Variants in KCNAB1 observed in about 807,000 individuals in gnomAD.
KCNAB1 encodes the protein voltage-gated potassium channel subunit beta-1.
Under a neutral mutation model 64.6 loss-of-function variants are expected in KCNAB1, and 35 were observed. The ratio of observed to expected loss-of-function variants is 0.54; its 90% CI spans 0.41 to 0.72. The LOEUF (loss-of-function observed/expected upper bound fraction) is 0.72, where lower values mean the gene tolerates loss of function less well. Ranked by LOEUF, KCNAB1 falls within the 30% of genes least tolerant of loss-of-function variation. KCNAB1 has a pLI of 0.00. For missense variants in KCNAB1, 401 were observed against 512.9 expected (o/e 0.78, Z 2.11); for synonymous variants, 177 against 183.8 (o/e 0.96, Z 0.30).
intron 1 of KCNAB1, among the ~76,000 whole-genome samples, chr3:156,177,651 ACATGCGTGAG>A (rs1413885402): frequency 6.6e-6 from 1 of 151,934 alleles, no homozygotes; most frequent in Non-Finnish European, 1.5e-5. Flanking sequence ...TGCTGGGATT[ACATGCGTGAG>A]CCACTGCGCC....
chr3:156,292,014 C>T (rs1224009540), intron 1 of KCNAB1: 2 of 1,614,154 alleles, frequency 1.2e-6, no homozygotes, highest in East Asian at 2.2e-5. Flanking sequence ...GTGAACGCAG[C>T]CCGGGCCAAA....
At chr3:156,245,523 C>A (rs1717402775) in intron 1 of KCNAB1, among the ~76,000 whole-genome samples, 1 of 149,658 alleles carries the variant, frequency 6.7e-6, no homozygotes, top group Admixed American at 6.6e-5. Context: ...TGTATGTGTG[C>A]TCATGTGTGT....
At chr3:156,443,099 T>C (rs117078569) in intron 2 of KCNAB1, among the ~76,000 whole-genome samples, 2,679 of 152,282 alleles carry the variant, frequency 0.018, 67 homozygotes, top group East Asian at 0.1. Context: ...GTTTGTTACA[T>C]AGGTAAACGT....
chr3:156,510,628 T>G (rs192059138), intron 8 of KCNAB1, among the ~76,000 whole-genome samples: 1 of 152,218 alleles, frequency 6.6e-6, no homozygotes, highest in Non-Finnish European at 1.5e-5. Context: ...CATTCTTCCA[T>G]TGAGTGGCTT....
At chr3:156,171,165 G>A (rs75748094) in intron 1 of KCNAB1, among the ~76,000 whole-genome samples, 2,866 of 144,984 alleles carry the variant, frequency 0.02, 48 homozygotes, top group South Asian at 0.033. Flanking sequence ...TCTGAGCACC[G>A]GCTTATAGTT....
At chr3:156,499,549 A>G (rs187959894) in intron 8 of KCNAB1, among the ~76,000 whole-genome samples, 2 of 152,196 alleles carry the variant, frequency 1.3e-5, no homozygotes, top group Non-Finnish European at 2.9e-5. Context: ...ATCAAATCAC[A>G]TAATCAAAAG....
chr3:156,201,983 G>A (rs370915201), intron 1 of KCNAB1, among the ~76,000 whole-genome samples: 5 of 152,118 alleles, frequency 3.3e-5, no homozygotes, highest in Non-Finnish European at 5.9e-5. Context: ...CCACAGAGGC[G>A]AGCAGACCAA....
At chr3:156,263,424 GA>G (rs1357473620) in intron 1 of KCNAB1, among the ~76,000 whole-genome samples, 1 of 151,950 alleles carries the variant, frequency 6.6e-6, no homozygotes, top group African/African-American at 2.4e-5. Context: ...CCAAATGTTT[GA>G]AAATTTCCTA....
At chr3:156,405,438 G>A (rs183846270) in intron 1 of KCNAB1, among the ~76,000 whole-genome samples, 12 of 152,262 alleles carry the variant, frequency 7.9e-5, no homozygotes, top group Admixed American at 2.6e-4. Flanking sequence ...CATTGCATTT[G>A]TGTAGTTGAC....
chr3:156,205,208 T>G (rs1714580274), intron 1 of KCNAB1, among the ~76,000 whole-genome samples: 1 of 152,230 alleles, frequency 6.6e-6, no homozygotes, highest in Admixed American at 6.5e-5. Flanking sequence ...TTTCATAGAT[T>G]GAGCTATATT....
intron 5 of KCNAB1, among the ~76,000 whole-genome samples, chr3:156,462,606 T>C (rs1029529786): frequency 6.6e-6 from 1 of 152,146 alleles, no homozygotes; most frequent in African/African-American, 2.4e-5. Context: ...TTCAACAAAT[T>C]TTTCTTGTTG....
chr3:156,147,302 A>T (rs953668013), intron 1 of KCNAB1, among the ~76,000 whole-genome samples: 10 of 152,212 alleles, frequency 6.6e-5, no homozygotes, highest in African/African-American at 2.4e-4. Context: ...GTTCCTTTTG[A>T]GGTTCTTCTT....
intron 1 of KCNAB1, among the ~76,000 whole-genome samples, chr3:156,395,406 G>T (rs1208630496): frequency 1.3e-5 from 2 of 149,072 alleles, no homozygotes; most frequent in Non-Finnish European, 3.0e-5. Context: ...TTAGCCGGGC[G>T]TAGTGGCGGG....
At chr3:156,120,528 C>T (rs986466291), upstream of KCNAB1, 55 of 1,490,300 alleles carry the variant, frequency 3.7e-5, no homozygotes, top group Admixed American at 6.9e-4. Flanking sequence ...TGGGCAGGGA[C>T]GAGGGAGGGA....
At chr3:156,165,883 G>A (rs988344819) in intron 1 of KCNAB1, among the ~76,000 whole-genome samples, 75 of 152,082 alleles carry the variant, frequency 4.9e-4, no homozygotes, top group Non-Finnish European at 1.2e-4. Context: ...TGTTTACTGT[G>A]TTCTCACAAG....
chr3:156,255,824 C>T (rs1251909448), intron 1 of KCNAB1, among the ~76,000 whole-genome samples: 2 of 152,206 alleles, frequency 1.3e-5, no homozygotes, highest in Admixed American at 6.5e-5. Context: ...AGCAGATTAC[C>T]TGCACTTCTT....
At chr3:156,142,621 T>C (rs1214100683) in intron 1 of KCNAB1, among the ~76,000 whole-genome samples, 2 of 152,242 alleles carry the variant, frequency 1.3e-5, no homozygotes, top group African/African-American at 4.8e-5. Context: ...CAACCACTTG[T>C]TGATATTTGT....
intron 9 of KCNAB1, 65 bp from the exon 10 acceptor site, chr3:156,515,035 A>G: frequency 6.8e-7 from 1 of 1,470,588 alleles, no homozygotes; most frequent in Non-Finnish European, 9.1e-7. Context: ...TCTCATGCAT[A>G]CAAATTACAG....
At chr3:156,180,735 T>G (rs1712749264) in intron 1 of KCNAB1, among the ~76,000 whole-genome samples, 1 of 152,158 alleles carries the variant, frequency 6.6e-6, no homozygotes, top group African/African-American at 2.4e-5. Flanking sequence ...CGAGGCGGGA[T>G]TCATGCCTCA....
Sources: allele counts gnomAD v4.1 joint callset (sites outside exome capture counted in the v4.1 genomes callset), GRCh38; gene constraint gnomAD v4.1.1; transcripts MANE v1.5; gene names NCBI Gene and HGNC (gene_info 2026-07-23, HGNC 2026-07-21).